The following GLIS3 variants were observed in gnomAD, a reference collection of about 807,000 sequenced individuals.
GLIS3 encodes the protein GLIS family zinc finger 3.
A neutral mutation model predicts 78.6 loss-of-function variants in GLIS3; 53 were observed. The ratio of observed to expected loss-of-function variants is 0.67; its 90% CI spans 0.54 to 0.85. The LOEUF (loss-of-function observed/expected upper bound fraction) is 0.85. Among genes scored for constraint, GLIS3 ranks in the 40% least tolerant of loss-of-function variants. The pLI is 0.00. For synonymous variants in GLIS3, 684 were observed against 509.9 expected (o/e 1.34, Z -4.60); for missense variants, 1,703 against 1,231.1 (o/e 1.38, Z -5.74).
At chr9:4,171,376 G>C (rs1022926448) in intron 2 of GLIS3, among the ~76,000 whole-genome samples, 4 of 152,152 alleles carry the variant, frequency 2.6e-5, no homozygotes, top group South Asian at 2.1e-4. Flanking sequence ...AGAGAGATTA[G>C]ATTGAAATTT....
At chr9:4,397,333 A>G in the GLIS3 span, among the ~76,000 whole-genome samples, 3 of 151,678 alleles carry the variant, frequency 2.0e-5, no homozygotes, top group South Asian at 6.3e-4. Context: ...CCGTCAATCC[A>G]TTATTTTTAT....
intron 3 of GLIS3, chr9:4,310,268 T>C (rs1369738413): frequency 6.6e-6 from 1 of 152,196 alleles, no homozygotes; most frequent in Non-Finnish European, 1.5e-5. Flanking sequence ...AGGAAATATA[T>C]ATAAAAATAT....
chr9:4,366,932 A>C, the GLIS3 span, among the ~76,000 whole-genome samples: 17 of 145,916 alleles, frequency 1.2e-4, no homozygotes, highest in South Asian at 3.7e-3. Flanking sequence ...GTGGTCGAGC[A>C]CAATGGCTAA....
intron 2 of GLIS3, among the ~76,000 whole-genome samples, chr9:4,320,246 A>C (rs1587383908): frequency 6.6e-6 from 1 of 151,794 alleles, no homozygotes; most frequent in Non-Finnish European, 1.5e-5. Context: ...TGCTTCATTC[A>C]CTCCAGTTGC....
intron 2 of GLIS3, among the ~76,000 whole-genome samples, chr9:4,226,326 G>A (rs1321148437): frequency 6.6e-6 from 1 of 152,072 alleles, no homozygotes; most frequent in African/African-American, 2.4e-5. Context: ...GTAAAGATAG[G>A]TCCATATACA....
chr9:4,456,073 A>T, the GLIS3 span, among the ~76,000 whole-genome samples: 1 of 152,000 alleles, frequency 6.6e-6, no homozygotes, highest in African/African-American at 2.4e-5. Flanking sequence ...ACGCCACTGC[A>T]CTCCAGCCTG....
intron 4 of GLIS3, among the ~76,000 whole-genome samples, chr9:4,026,197 C>T (rs1362041540): frequency 6.6e-6 from 1 of 152,210 alleles, no homozygotes; most frequent in African/African-American, 2.4e-5. Context: ...CAGTGGCTAT[C>T]TCAGTTTTAG....
At chr9:4,340,724 T>A (rs75105060) in intron 2 of GLIS3, among the ~76,000 whole-genome samples, 4,286 of 152,262 alleles carry the variant, frequency 0.028, 203 homozygotes, top group African/African-American at 0.094. Flanking sequence ...AGTCTCGCTC[T>A]GTCACCCATC....
At chr9:4,246,663 G>A (rs1156948763) in intron 2 of GLIS3, among the ~76,000 whole-genome samples, 2 of 152,172 alleles carry the variant, frequency 1.3e-5, no homozygotes, top group Non-Finnish European at 2.9e-5. Flanking sequence ...GCAGCTACCT[G>A]ATATGAAATG....
the GLIS3 span, among the ~76,000 whole-genome samples, chr9:4,433,058 G>C: frequency 6.6e-6 from 1 of 152,134 alleles, no homozygotes; most frequent in Admixed American, 6.5e-5. Flanking sequence ...CTGCAAAGGA[G>C]AATTGTTTTA....
rs557315132 is a variant in GLIS3, at chr9:4,195,483, C to T, written c.389-69542G>A. On this transcript the variant is annotated intron_variant, in intron 2 of 10. Transcript: ENST00000381971. ...GGGATGCCGGGTCCCCCAGCACTGC[C>T]GGCCCGCCAGCACCGCGCTCGAATT... Among the ~76,000 whole-genome samples the T allele has an allele frequency of 4.3e-3, 658 of 152,334 alleles. 4 individuals carry two copies. Among genetic ancestry groups the T allele is most frequent in the Non-Finnish European group, 7.3e-3 (499 of 68,018 alleles).
the GLIS3 span, among the ~76,000 whole-genome samples, chr9:4,438,782 A>T: frequency 1.3e-5 from 2 of 152,328 alleles, no homozygotes; most frequent in South Asian, 2.1e-4. Context: ...GCCGCCATGT[A>T]GGACGTGTCT....
At chr9:4,150,980 G>C (rs1277481160) in intron 2 of GLIS3, 2 of 152,164 alleles carry the variant, frequency 1.3e-5, no homozygotes, top group African/African-American at 2.4e-5. Context: ...TCAAAATAGA[G>C]TGAAGATGGC....
At chr9:4,186,670 G>A (rs1391529811) in intron 2 of GLIS3, among the ~76,000 whole-genome samples, 1 of 151,378 alleles carries the variant, frequency 6.6e-6, no homozygotes, top group Non-Finnish European at 1.5e-5. Context: ...GTTGTTTCCT[G>A]ACTTTTTAAT....
the GLIS3 span, among the ~76,000 whole-genome samples, chr9:4,366,152 A>C: frequency 6.6e-6 from 1 of 152,170 alleles, no homozygotes; most frequent in Non-Finnish European, 1.5e-5. Context: ...GGAAATGTGG[A>C]ATTAACTTTA....
chr9:4,231,066 T>C (rs555690181), intron 2 of GLIS3, among the ~76,000 whole-genome samples: 81 of 151,320 alleles, frequency 5.4e-4, no homozygotes, highest in Middle Eastern at 6.8e-3. Flanking sequence ...AATGAGACTG[T>C]CTGTAAAAAA....
chr9:4,157,524 G>A (rs898145245), intron 2 of GLIS3, among the ~76,000 whole-genome samples: 3 of 152,106 alleles, frequency 2.0e-5, no homozygotes, highest in African/African-American at 4.8e-5. Context: ...ACCAGGGAAC[G>A]ATCTATCATT....
intron 4 of GLIS3, among the ~76,000 whole-genome samples, chr9:4,026,102 A>G (rs1453668369): frequency 6.6e-6 from 1 of 152,240 alleles, no homozygotes; most frequent in Non-Finnish European, 1.5e-5. Context: ...AAAACCTGAG[A>G]CTATATGATT....
At chr9:3,913,804 C>T (rs775559784) in intron 6 of GLIS3, among the ~76,000 whole-genome samples, 17 of 152,182 alleles carry the variant, frequency 1.1e-4, no homozygotes, top group Admixed American at 2.6e-4. Flanking sequence ...TCATAAAAGA[C>T]AAAAAGGGCT....
Sources: allele counts gnomAD v4.1 joint callset (sites outside exome capture counted in the v4.1 genomes callset), GRCh38; gene constraint gnomAD v4.1.1; transcripts MANE v1.5; gene names NCBI Gene and HGNC (gene_info 2026-07-23, HGNC 2026-07-21).